Variants in BNC2 observed in about 807,000 individuals in gnomAD.
The protein encoded by BNC2 is zinc finger protein basonuclin-2.
A neutral mutation model predicts 76.3 loss-of-function variants in BNC2; 20 were observed. That is an observed-to-expected ratio of 0.26 (90% CI 0.18 to 0.38). The LOEUF (loss-of-function observed/expected upper bound fraction) is 0.38. Among genes scored for constraint, BNC2 ranks in the 10% least tolerant of loss-of-function variants. The probability of loss-of-function intolerance (pLI) is 1.00; values close to 1 mark genes in which losing one functional copy is unlikely to be tolerated. For missense variants in BNC2, 1,382 were observed against 1,399.8 expected, an observed-to-expected ratio of 0.99 and a Z score of 0.20; for synonymous variants, 582 against 514.8, an observed-to-expected ratio of 1.13 and a Z score of -1.77.
intron 5 of BNC2, among the ~76,000 whole-genome samples, chr9:16,452,115 G>A (rs370338153): frequency 1.0e-3 from 156 of 152,264 alleles, no homozygotes; most frequent in African/African-American, 3.5e-3. Context: ...TTACTAGTAC[G>A]CTAGGGGTGA....
chr9:16,596,358 C>T (rs572429880), intron 3 of BNC2, among the ~76,000 whole-genome samples: 1 of 152,020 alleles, frequency 6.6e-6, no homozygotes, highest in Admixed American at 6.6e-5. Flanking sequence ...CGTGAATGTA[C>T]AAATACAAAC....
At chr9:16,597,828 T>C (rs1427116549) in intron 3 of BNC2, among the ~76,000 whole-genome samples, 1 of 152,000 alleles carries the variant, frequency 6.6e-6, no homozygotes, top group Non-Finnish European at 1.5e-5. Flanking sequence ...ATTTTAAATA[T>C]AATTTATTTA....
At chr9:16,526,582 T>A (rs1187363257) in intron 5 of BNC2, among the ~76,000 whole-genome samples, 1 of 138,446 alleles carries the variant, frequency 7.2e-6, no homozygotes, top group African/African-American at 2.7e-5. Context: ...GACAAAGAAA[T>A]GTCCATTAGT....
chr9:16,793,503 G>C (rs902501601), intron 1 of BNC2, among the ~76,000 whole-genome samples: 3 of 151,870 alleles, frequency 2.0e-5, no homozygotes, highest in Admixed American at 6.6e-5. Context: ...TTTTTTGACA[G>C]GGTCTCACTA....
intron 1 of BNC2, among the ~76,000 whole-genome samples, chr9:16,815,585 C>T (rs1032393162): frequency 7.2e-5 from 11 of 152,096 alleles, no homozygotes; most frequent in Admixed American, 2.6e-4. Flanking sequence ...TGATGAGTGG[C>T]GGATCCATTA....
chr9:16,687,575 G>T (rs543896929), intron 3 of BNC2, among the ~76,000 whole-genome samples: 4 of 152,150 alleles, frequency 2.6e-5, no homozygotes, highest in African/African-American at 9.6e-5. Flanking sequence ...ATTAACCTGA[G>T]AATATTCCAA....
At chr9:16,512,182 A>T (rs1296206264) in intron 5 of BNC2, among the ~76,000 whole-genome samples, 1 of 152,206 alleles carries the variant, frequency 6.6e-6, no homozygotes, top group African/African-American at 2.4e-5. Context: ...TGATGAGGAA[A>T]TGAAATCCTT....
At chr9:16,773,696 T>C (rs928315579) in intron 1 of BNC2, among the ~76,000 whole-genome samples, 6 of 152,162 alleles carry the variant, frequency 3.9e-5, no homozygotes, top group Admixed American at 3.9e-4. Context: ...GAGCCCAAGG[T>C]GCTTGGAGGA....
intron 1 of BNC2, among the ~76,000 whole-genome samples, chr9:16,835,972 A>T (rs1818696689): frequency 6.6e-6 from 1 of 152,162 alleles, no homozygotes; most frequent in Admixed American, 6.5e-5. Flanking sequence ...CTAGTTAAGA[A>T]TCCTGGCACT....
At chr9:16,718,044 G>C (rs1824039745) in intron 3 of BNC2, among the ~76,000 whole-genome samples, 1 of 152,212 alleles carries the variant, frequency 6.6e-6, no homozygotes, top group East Asian at 1.9e-4. Context: ...ATACACGCAT[G>C]AATGTGGCCC....
intron 6 of BNC2, among the ~76,000 whole-genome samples, chr9:16,434,646 A>T (rs941492485): frequency 1.3e-5 from 2 of 152,176 alleles, no homozygotes; most frequent in South Asian, 4.1e-4. Flanking sequence ...ACCTTGACAC[A>T]TTCCATTTAT....
At chr9:16,868,388 T>C (rs924631981) in intron 1 of BNC2, among the ~76,000 whole-genome samples, 1 of 148,888 alleles carries the variant, frequency 6.7e-6, no homozygotes, top group Admixed American at 6.6e-5. Context: ...TGCTTCTTTT[T>C]GTAATCACAT....
intron 1 of BNC2, among the ~76,000 whole-genome samples, chr9:16,794,604 C>T (rs1363668346): frequency 6.6e-6 from 1 of 152,138 alleles, no homozygotes; most frequent in Non-Finnish European, 1.5e-5. Context: ...AAGAAAAACA[C>T]TCCACCATTA....
chr9:16,834,763 T>C (rs1298192112), intron 1 of BNC2, among the ~76,000 whole-genome samples: 3 of 152,204 alleles, frequency 2.0e-5, no homozygotes, highest in African/African-American at 7.2e-5. Context: ...GTCTGTCCTA[T>C]ATATAGTAAG....
chr9:16,695,092 A>G (rs987139980), intron 3 of BNC2, among the ~76,000 whole-genome samples: 3 of 152,158 alleles, frequency 2.0e-5, no homozygotes, highest in Admixed American at 1.3e-4. Flanking sequence ...CCCAAACTGA[A>G]CATACTTTAC....
intron 1 of BNC2, among the ~76,000 whole-genome samples, chr9:16,788,862 T>G (rs1045418586): frequency 5.3e-5 from 8 of 152,154 alleles, no homozygotes; most frequent in African/African-American, 1.9e-4. Flanking sequence ...CTTTCCCACC[T>G]GTTTTTCCTT....
At chr9:16,807,924 A>G (rs1443116174) in intron 1 of BNC2, among the ~76,000 whole-genome samples, 1 of 152,222 alleles carries the variant, frequency 6.6e-6, no homozygotes, top group Non-Finnish European at 1.5e-5. Context: ...AGAATAAAAG[A>G]ACATAGGCAA....
At chr9:16,608,340 A>C (rs550573572) in intron 3 of BNC2, among the ~76,000 whole-genome samples, 84 of 152,184 alleles carry the variant, frequency 5.5e-4, no homozygotes, top group Admixed American at 4.8e-3. Flanking sequence ...GTAAATAAAA[A>C]CGTTTCTTCC....
rs1195458851 is a variant in BNC2, at chr9:16,436,547, G to T, written c.1647C>A (p.Val549=). 6.2e-7 allele frequency: 1 copy of T among 1,614,154 alleles called. No individual in the cohort carries two copies. Among genetic ancestry groups the T allele is most frequent in the Non-Finnish European group, 8.5e-7 (1 of 1,180,020 alleles). Residue 549 remains valine, a synonymous_variant, in exon 6 of 7, where the codon GTC becomes GTA. Transcript: ENST00000380672. ...GCTGGCTAGGGAGAGGATTTTGCAA[G>T]ACAGGGTCTAGAGGGGGAGTGGTAA... ...MGFTTPPLDP[V]LQNPLPSQLV...
Sources: allele counts gnomAD v4.1 joint callset (sites outside exome capture counted in the v4.1 genomes callset), GRCh38; gene constraint gnomAD v4.1.1; transcripts MANE v1.5; gene names NCBI Gene and HGNC (gene_info 2026-07-23, HGNC 2026-07-21).